The following STK39 variants were observed in gnomAD, a reference collection of about 807,000 sequenced individuals.
STK39 encodes STE20/SPS1-related proline-alanine-rich protein kinase.
A neutral mutation model predicts 77.8 loss-of-function variants in STK39; 20 were observed. The ratio of observed to expected loss-of-function variants is 0.26; its 90% CI spans 0.18 to 0.37. STK39 has a LOEUF of 0.37. Among genes scored for constraint, STK39 ranks in the 10% least tolerant of loss-of-function variants. STK39 has a pLI of 1.00. For synonymous variants in STK39, 246 were observed against 234.1 expected (o/e 1.05, Z -0.47); for missense variants, 479 against 656.5 (o/e 0.73, Z 2.95).
In STK39 at chr2:168,140,328, T is replaced by G; in HGVS notation, c.801A>C (p.Ala267=). The change falls in exon 7 of 18, where the codon GCA becomes GCC. Residue 267 remains alanine (A), a synonymous_variant. Transcript: ENST00000355999. ...WSFGITAIEL[A]TGAAPYHKYP... is the part of the protein sequence containing the mutation. ...ATTTGTGATAAGGCGCTGCTCCTGT[T>G]GCTAATTCAATGGCAGTTATTCCAA... is the stretch of plus-strand genomic sequence containing the variant. 1 of 1,614,086 alleles carries G rather than the reference T, an allele frequency of 6.2e-7. No individual in the cohort carries two copies. Among genetic ancestry groups the G allele is most frequent in the Non-Finnish European group, 8.5e-7 (1 of 1,179,946 alleles).
rs139247944 is a variant in STK39, at chr2:168,000,145, T to C, written c.1498+12489A>G. 9.3e-3 allele frequency among the ~76,000 whole-genome samples: 1,414 copies of C among 152,354 alleles called. 21 individuals are homozygous for C. Among genetic ancestry groups the C allele is most frequent in the African/African-American group, 0.032 (1,339 of 41,578 alleles). ...ACTATTTAGCCTGCAAACAGGTGAA[T>C]TGCATGGATATTTCAGATTATGCCT... is the stretch of plus-strand genomic sequence containing the variant. On this transcript the variant is annotated intron_variant, in intron 16 of 17. Coordinates refer to ENST00000355999, the MANE Select transcript of STK39 (RefSeq NM_013233.3).
chr2:167,996,206 G>C (rs1367538279), intron 16 of STK39, among the ~76,000 whole-genome samples: 1 of 152,164 alleles, frequency 6.6e-6, no homozygotes, highest in Non-Finnish European at 1.5e-5. Flanking sequence ...CCACTCTCGT[G>C]ATGTAGGGCC....
intron 14 of STK39, among the ~76,000 whole-genome samples, chr2:168,026,175 G>C (rs538698242): frequency 6.6e-6 from 1 of 152,258 alleles, no homozygotes; most frequent in South Asian, 2.1e-4. Flanking sequence ...GAAAATGATG[G>C]TCAGTTTATG....
intron 1 of STK39, among the ~76,000 whole-genome samples, chr2:168,221,653 A>G (rs1379748025): frequency 6.6e-6 from 1 of 152,120 alleles, no homozygotes; most frequent in Non-Finnish European, 1.5e-5. Context: ...ATTAGTTACC[A>G]CACCTCCACC....
At chr2:168,173,079 G>C (rs1306736358) in intron 2 of STK39, among the ~76,000 whole-genome samples, 1 of 152,170 alleles carries the variant, frequency 6.6e-6, no homozygotes, top group Admixed American at 6.6e-5. Flanking sequence ...CGAGCTAAGT[G>C]CTGAAATGTA....
intron 1 of STK39, among the ~76,000 whole-genome samples, chr2:168,214,214 G>C (rs1432739124): frequency 6.7e-6 from 1 of 149,730 alleles, no homozygotes; most frequent in East Asian, 2.0e-4. Context: ...TGGGGTTGCT[G>C]TAAGCAAATG....
At chr2:168,235,709 A>G (rs1460224155) in intron 1 of STK39, among the ~76,000 whole-genome samples, 7 of 146,858 alleles carry the variant, frequency 4.8e-5, no homozygotes, top group South Asian at 2.1e-4. Flanking sequence ...GCGGTGTTTG[A>G]TTTTTTGTCC....
chr2:168,066,557 C>T (rs1685800538), intron 12 of STK39, among the ~76,000 whole-genome samples: 1 of 152,170 alleles, frequency 6.6e-6, no homozygotes, highest in African/African-American at 2.4e-5. Flanking sequence ...GTGATACAAC[C>T]AAAGGCCACA....
chr2:167,995,943 G>A (rs1683827623), intron 16 of STK39, among the ~76,000 whole-genome samples: 1 of 152,134 alleles, frequency 6.6e-6, no homozygotes, highest in Admixed American at 6.5e-5. Context: ...CAGGCTCAGA[G>A]GGTGCTGGGC....
At chr2:168,246,380 G>T (rs1270754558) in intron 1 of STK39, among the ~76,000 whole-genome samples, 7 of 152,242 alleles carry the variant, frequency 4.6e-5, no homozygotes, top group Non-Finnish European at 1.0e-4. Context: ...ATTTAAAAAT[G>T]TAAGATAAGG....
At chr2:168,125,219 T>C (rs1464860742) in intron 10 of STK39, among the ~76,000 whole-genome samples, 5 of 148,996 alleles carry the variant, frequency 3.4e-5, no homozygotes, top group African/African-American at 1.2e-4. Context: ...ATTTTGATAA[T>C]CAAAAAAAAA....
At chr2:168,140,053 T>C (rs1687941306) in intron 7 of STK39, among the ~76,000 whole-genome samples, 1 of 152,204 alleles carries the variant, frequency 6.6e-6, no homozygotes, top group Non-Finnish European at 1.5e-5. Context: ...ACCAATCTGA[T>C]AACATTATTT....
At position 167,991,075 on chromosome 2, in the gene STK39, G is replaced by A. The variant is rs1030326989; in HGVS notation, c.1498+21559C>T. ...CAGTTGGGCAAAGTAACAAACACCCGATACACGGGAATGTTTGGCAGATAC... is the reference window on the plus strand; with the variant it reads ...CAGTTGGGCAAAGTAACAAACACCCAATACACGGGAATGTTTGGCAGATAC... On this transcript the variant is annotated intron_variant, in intron 16 of 17. Transcript: ENST00000355999. Among the ~76,000 whole-genome samples the A allele has an allele frequency of 1.7e-4, 26 of 152,276 alleles. No homozygotes were observed. In the East Asian group the frequency reaches 4.2e-3, roughly 25 times the overall value.
At chr2:168,238,307 A>G (rs1690673671) in intron 1 of STK39, among the ~76,000 whole-genome samples, 1 of 152,192 alleles carries the variant, frequency 6.6e-6, no homozygotes, top group African/African-American at 2.4e-5. Flanking sequence ...TTTCTGACAA[A>G]TAGCTCCAGT....
intron 1 of STK39, chr2:168,232,200 A>T: frequency 4.7e-6 from 1 of 215,048 alleles, no homozygotes; most frequent in Middle Eastern, 5.4e-4. Context: ...TGGCAACATA[A>T]GCCTGCTTGC....
rs386391743 is a variant in STK39, at chr2:168,017,377, A to ATTTTT, written c.1377-287_1377-283dup. Among the ~76,000 whole-genome samples the ATTTTT allele has an allele frequency of 1.6e-3, 149 of 93,558 alleles. 1 individual carries two copies. Among genetic ancestry groups the ATTTTT allele is most frequent in the Middle Eastern group, 6.4e-3 (1 of 156 alleles). 61.4% of individuals were successfully genotyped at this position (93,558 alleles called of 152,430 possible). A position where few individuals can be genotyped will look rare whatever the true frequency, so the allele number is the denominator to read the frequency against. On this transcript the variant is annotated intron_variant, in intron 14 of 17. Transcript: ENST00000355999. ...AATCTGCACTAAACAGGAAACCTTA[A>ATTTTT]TTTTTTTTTTTTTTTTTTTTTTTTG...
chr2:168,046,519 G>A (rs1685246465), intron 14 of STK39, among the ~76,000 whole-genome samples: 1 of 152,216 alleles, frequency 6.6e-6, no homozygotes, highest in Non-Finnish European at 1.5e-5. Flanking sequence ...CCCACATCAA[G>A]CCATCTTGCC....
rs1053194814 is a variant in STK39, at chr2:168,038,702, T to C, written c.1377-21607A>G. 5.3e-5 allele frequency among the ~76,000 whole-genome samples: 8 copies of C among 152,120 alleles called. No homozygotes were observed. In the East Asian group the frequency reaches 1.5e-3, roughly 29 times the overall value. On this transcript the variant is annotated intron_variant, in intron 14 of 17. Coordinates refer to ENST00000355999, the MANE Select transcript of STK39 (RefSeq NM_013233.3). ...GCAAAGGACTTACATTCAGATTATA[T>C]AAAGAATTTATGTAACTCAGAAATA...
chr2:168,203,776 T>C lies in STK39; in HGVS notation c.209-21686A>G, dbSNP rs948655279. The stretch of plus-strand genomic sequence containing the variant: ...CCCCACTAATTTTTTGTATTTTTAG[T>C]AGAGACGGGGTTTCACCATACTGGT... On this transcript the variant is annotated intron_variant, in intron 1 of 17. Transcript: ENST00000355999. Among the ~76,000 whole-genome samples, 65 of 152,232 alleles carry C rather than the reference T, an allele frequency of 4.3e-4. 1 individual carries two copies. Among genetic ancestry groups the C allele is most frequent in the Non-Finnish European group, 9.1e-4 (62 of 68,042 alleles).
Sources: allele counts gnomAD v4.1 joint callset (sites outside exome capture counted in the v4.1 genomes callset), GRCh38; gene constraint gnomAD v4.1.1; transcripts MANE v1.5; gene names NCBI Gene and HGNC (gene_info 2026-07-23, HGNC 2026-07-21).